The following KRAS variants were observed in gnomAD, a reference collection of about 807,000 sequenced individuals.
KRAS encodes the protein KRas proto-oncogene, GTPase, also known as GTPase KRas.
KRAS carries 1 observed loss-of-function variant against 21.0 expected under a neutral mutation model. The observed-to-expected ratio is 0.05, with a 90% CI of 0.02 to 0.23. The LOEUF is 0.23. Ranked by LOEUF, KRAS falls within the 10% of genes least tolerant of loss-of-function variation. The pLI is 1.00. For missense variants in KRAS, 107 were observed against 221.8 expected (o/e 0.48, Z 3.29); for synonymous variants, 67 against 72.5 (o/e 0.92, Z 0.39).
At chr12:25,231,578 G>A (rs2141517920) in intron 2 of KRAS, among the ~76,000 whole-genome samples, 1 of 152,132 alleles carries the variant, frequency 6.6e-6, no homozygotes, top group East Asian at 1.9e-4. Flanking sequence ...GAGAAACTGG[G>A]AAAGCAGTCC....
chr12:25,245,565 A>T (rs978714943), intron 1 of KRAS, among the ~76,000 whole-genome samples, 170 bp from the exon 2 acceptor site: 5 of 152,238 alleles, frequency 3.3e-5, no homozygotes, highest in Non-Finnish European at 5.9e-5. Context: ...TTGACTGCAG[A>T]CGTGTATCGT....
rs1348679362 is a variant in KRAS at position 25,209,459 on chromosome 12, C to T, written c.*336G>A. On this transcript the variant is annotated 3_prime_UTR_variant, in exon 5 of 5. Transcript: ENST00000311936. Reference sequence around the variant, plus strand: ...CAGAATAGGGATGATTCAAAAGCTTCATTAATTTGTTTCACACCAACATTC... The same window carrying T: ...CAGAATAGGGATGATTCAAAAGCTTTATTAATTTGTTTCACACCAACATTC... 3.2e-5 allele frequency: 38 copies of T among 1,181,318 alleles called. No homozygotes were observed. Among genetic ancestry groups the T allele is most frequent in the Non-Finnish European group, 3.9e-5 (36 of 917,746 alleles). The allele number at this position is 1,181,318 out of a possible 1,614,324, so 73.2% of individuals were successfully genotyped here.
At chr12:25,222,983 A>C (rs1349122543) in intron 4 of KRAS, among the ~76,000 whole-genome samples, 1 of 152,186 alleles carries the variant, frequency 6.6e-6, no homozygotes, top group Non-Finnish European at 1.5e-5. Context: ...ACCAAGAAAA[A>C]TACCACCTAG....
chr12:25,227,134 T>A (rs1483861684), intron 3 of KRAS, 100 bp downstream of exon 3: 21 of 779,054 alleles, frequency 2.7e-5, no homozygotes, highest in Non-Finnish European at 4.0e-5. Context: ...TATTTAAAAA[T>A]TTTTATTAAA....
chr12:25,246,583 T>A (rs767013150), intron 1 of KRAS, among the ~76,000 whole-genome samples: 1 of 150,252 alleles, frequency 6.7e-6, no homozygotes, highest in Non-Finnish European at 1.5e-5. Flanking sequence ...ACAAAAAGAT[T>A]AGAGATAAAC....
chr12:25,246,248 G>C (rs1333131481), intron 1 of KRAS, among the ~76,000 whole-genome samples: 1 of 151,498 alleles, frequency 6.6e-6, no homozygotes, highest in Non-Finnish European at 1.5e-5. Context: ...CTGTATCACC[G>C]CTGCACAAAA....
chr12:25,248,470 G>C (rs1415349263), intron 1 of KRAS, among the ~76,000 whole-genome samples: 2 of 152,050 alleles, frequency 1.3e-5, no homozygotes, highest in South Asian at 4.1e-4. Flanking sequence ...AAAGAGGGTA[G>C]AGGGGTCGTT....
intron 4 of KRAS, among the ~76,000 whole-genome samples, chr12:25,224,510 TATA>T (rs1481765407): frequency 6.6e-6 from 1 of 152,178 alleles, no homozygotes; most frequent in Non-Finnish European, 1.5e-5. Context: ...TGTATAGCTG[TATA>T]ATGTGTGTTT....
In KRAS at chr12:25,205,485, G is replaced by A. The variant is rs1284813983; in HGVS notation, c.*4310C>T. ...TATGTCCCACAAAAGAAAGCACAAT[G>A]TACAAAATGTGCATGTTTCAGTTTA... On this transcript the variant is annotated 3_prime_UTR_variant, in exon 5 of 5. Coordinates refer to ENST00000311936, the MANE Select transcript of KRAS (RefSeq NM_004985.5). The A allele has an allele frequency of 4.7e-6, 1 of 214,828 alleles. No individual in the cohort carries two copies. Among genetic ancestry groups the A allele is most frequent in the Non-Finnish European group, 9.3e-6 (1 of 107,042 alleles). The allele number at this position is 214,828 out of a possible 1,614,324, so 13.3% of individuals were successfully genotyped here.
At chr12:25,245,496 A>C in intron 1 of KRAS, 101 bp from the exon 2 acceptor site, 11 of 1,169,516 alleles carry the variant, frequency 9.4e-6, no homozygotes, top group Non-Finnish European at 1.2e-5. Flanking sequence ...ATACAAACTC[A>C]CCTTTATATG....
chr12:25,230,005 C>T (rs1277427845), intron 2 of KRAS, among the ~76,000 whole-genome samples: 1 of 152,062 alleles, frequency 6.6e-6, no homozygotes, highest in Non-Finnish European at 1.5e-5. Flanking sequence ...AACTCCTGAC[C>T]TCGTGATCTG....
At chr12:25,243,720 T>C (rs533590951) in intron 2 of KRAS, among the ~76,000 whole-genome samples, 1 of 152,340 alleles carries the variant, frequency 6.6e-6, no homozygotes, top group East Asian at 1.9e-4. Context: ...GTGAATTATA[T>C]TAAAACTTCC....
intron 2 of KRAS, among the ~76,000 whole-genome samples, chr12:25,243,146 A>AT (rs1951632148): frequency 1.3e-5 from 2 of 152,224 alleles, no homozygotes; most frequent in South Asian, 2.1e-4. Context: ...ATCCTCCTAA[A>AT]TTTTTAACTT....
chr12:25,214,388 T>G (rs1951231516), intron 4 of KRAS, among the ~76,000 whole-genome samples: 1 of 160 alleles, frequency 6.3e-3, no homozygotes, highest in African/African-American at 0.02. Context: ...CTAAAATGAC[T>G]TTTTTTTTTT....
chr12:25,247,632 A>C (rs1434950487), intron 1 of KRAS, among the ~76,000 whole-genome samples: 3 of 152,226 alleles, frequency 2.0e-5, no homozygotes, highest in Non-Finnish European at 4.4e-5. Context: ...AATGTGGTCT[A>C]GGAACCCCTC....
chr12:25,247,071 A>C (rs1565892498), intron 1 of KRAS, among the ~76,000 whole-genome samples: 1 of 152,204 alleles, frequency 6.6e-6, no homozygotes, highest in East Asian at 1.9e-4. Flanking sequence ...TTTTTTAGTT[A>C]GTTGTTTCAA....
intron 2 of KRAS, among the ~76,000 whole-genome samples, chr12:25,231,459 T>A (rs1951469603): frequency 6.6e-6 from 1 of 152,156 alleles, no homozygotes. Flanking sequence ...AAAATACTTC[T>A]AGGTCCTAAG....
chr12:25,210,007 A>G, intron 4 of KRAS, 96 bp from the exon 5 acceptor site: 1 of 885,422 alleles, frequency 1.1e-6, no homozygotes, highest in Non-Finnish European at 1.7e-6. Flanking sequence ...TTAAGAAAGG[A>G]TTCTTTATGT....
At chr12:25,229,952 T>C (rs544567548) in intron 2 of KRAS, among the ~76,000 whole-genome samples, 1 of 152,140 alleles carries the variant, frequency 6.6e-6, no homozygotes, top group East Asian at 1.9e-4. Context: ...TACTGTTTTT[T>C]TAGTAGAGAT....
Sources: gnomAD v4.1 joint callset for allele counts (sites outside exome capture counted in the v4.1 genomes callset) on GRCh38, gnomAD v4.1.1 for gene constraint, MANE v1.5 for transcripts, NCBI Gene and HGNC (gene_info 2026-07-23, HGNC 2026-07-21) for gene names.